PHLDB2: variants seen among roughly 807,000 people sequenced by gnomAD.
PHLDB2 encodes pleckstrin homology like domain family B member 2, also known as pleckstrin homology-like domain family B member 2.
Under a neutral mutation model 123.6 loss-of-function variants are expected in PHLDB2, and 71 were observed. The ratio of observed to expected loss-of-function variants is 0.57; its 90% CI spans 0.47 to 0.70. The LOEUF (loss-of-function observed/expected upper bound fraction) is 0.70, where lower values mean the gene tolerates loss of function less well. Among genes scored for constraint, PHLDB2 ranks in the 30% least tolerant of loss-of-function variants. PHLDB2 has a pLI of 0.00. For synonymous variants in PHLDB2, 547 were observed against 541.6 expected, an observed-to-expected ratio of 1.01 and a Z score of -0.14; for missense variants, 1,446 against 1,519.5, an observed-to-expected ratio of 0.95 and a Z score of 0.80.
At chr3:111,805,797 G>T (rs1480764668) in intron 1 of PHLDB2, among the ~76,000 whole-genome samples, 2 of 145,112 alleles carry the variant, frequency 1.4e-5, no homozygotes, top group Non-Finnish European at 3.0e-5. Flanking sequence ...ATTTTGGGAT[G>T]ATGGAAATGT....
rs143223081 is a variant in PHLDB2 at position 111,735,328 on chromosome 3, C to G, written c.-49+2625C>G. 1.5e-3 allele frequency among the ~76,000 whole-genome samples: 234 copies of G among 152,286 alleles called. 1 individual carries two copies. The highest frequency in any genetic ancestry group is 2.7e-3 in the Non-Finnish European group (187 of 68,018). ...TGGAGTCTAAATGGCTTTTTGGTGTCATTTGAGCAGTGAATGAGTAATGTA... is the reference window on the plus strand; with the variant it reads ...TGGAGTCTAAATGGCTTTTTGGTGTGATTTGAGCAGTGAATGAGTAATGTA... On this transcript the variant is annotated intron_variant, in intron 1 of 17. Coordinates refer to the PHLDB2 transcript ENST00000393923.
chr3:111,899,418 C>A (rs2067060971), intron 2 of PHLDB2, among the ~76,000 whole-genome samples: 2 of 152,132 alleles, frequency 1.3e-5, no homozygotes, highest in African/African-American at 4.8e-5. Context: ...TTTCCTGATG[C>A]TCTCCCCCAC....
chr3:111,868,395 A>T (rs1057343982), intron 1 of PHLDB2, among the ~76,000 whole-genome samples: 8 of 152,110 alleles, frequency 5.3e-5, no homozygotes, highest in African/African-American at 7.2e-5. Context: ...TTTAATTGGT[A>T]TGCGCCCTCA....
chr3:111,851,955 C>T (rs1430220833), intron 2 of PHLDB2, among the ~76,000 whole-genome samples: 3 of 149,342 alleles, frequency 2.0e-5, no homozygotes, highest in Non-Finnish European at 4.5e-5. Flanking sequence ...GGCCCCTCAA[C>T]CTTTTTTTTT....
intron 2 of PHLDB2, among the ~76,000 whole-genome samples, chr3:111,851,447 T>C (rs896641940): frequency 1.3e-5 from 2 of 152,054 alleles, no homozygotes; most frequent in African/African-American, 4.8e-5. Flanking sequence ...AGAGTAATCA[T>C]AACTCTGAAA....
intron 1 of PHLDB2, among the ~76,000 whole-genome samples, chr3:111,865,829 A>T (rs2065041529): frequency 6.6e-6 from 1 of 151,956 alleles, no homozygotes. Context: ...GTTTATCTTG[A>T]CTTGTTCAAG....
At chr3:111,922,171 G>C (rs935416819) in intron 5 of PHLDB2, among the ~76,000 whole-genome samples, 2 of 152,158 alleles carry the variant, frequency 1.3e-5, no homozygotes, top group Admixed American at 1.3e-4. Context: ...ATAGGAATTA[G>C]GTATCATGTT....
rs1166910938 is a variant in PHLDB2 at position 111,968,539 on chromosome 3, A to G, written c.3315+715A>G. The stretch of plus-strand genomic sequence containing the variant: ...CTAACATAAAGTTTTGTTAAGTACT[A>G]TGTAATTTAAAGCTGAACTCTATTT... On this transcript the variant is annotated intron_variant, in intron 15 of 17. Coordinates refer to ENST00000431670, the MANE Select transcript of PHLDB2 (RefSeq NM_001134438.2). 2.0e-5 allele frequency among the ~76,000 whole-genome samples: 3 copies of G among 152,250 alleles called. No individual in the cohort carries two copies. In the East Asian group the frequency reaches 5.8e-4, roughly 29 times the overall value.
In PHLDB2 at chr3:111,767,067, AG is replaced by A. The variant is rs1238428825; in HGVS notation, c.-49+34365del. On this transcript the variant is annotated intron_variant, in intron 1 of 17. Transcript: ENST00000393923. ...AAAAAAAAAAAAGCAGTCCAAAAAC[AG>A]TATTAAAGCAAAGGAGTCTCTTTAC... Among the ~76,000 whole-genome samples the A allele has an allele frequency of 1.3e-3, 6 of 4,492 alleles. No individual in the cohort carries two copies. The East Asian group carries it at 0.38, about 281-fold the overall frequency. The allele number at this position is 4,492 out of a possible 152,430, so 2.9% of individuals were successfully genotyped here.
chr3:111,908,746 T>C (rs1222086613), intron 2 of PHLDB2, among the ~76,000 whole-genome samples: 1 of 152,188 alleles, frequency 6.6e-6, no homozygotes, highest in African/African-American at 2.4e-5. Context: ...CAAGGATTTA[T>C]CTCTAAAACA....
chr3:111,891,659 A>G (rs2066506290), intron 2 of PHLDB2, among the ~76,000 whole-genome samples: 1 of 152,130 alleles, frequency 6.6e-6, no homozygotes, highest in South Asian at 2.1e-4. Flanking sequence ...CCCCATGTCC[A>G]TGGAAAAATT....
intron 1 of PHLDB2, among the ~76,000 whole-genome samples, chr3:111,814,905 T>G (rs1485720472): frequency 1.3e-5 from 2 of 152,230 alleles, no homozygotes; most frequent in Admixed American, 6.5e-5. Flanking sequence ...AATCTCATCT[T>G]GAATTATAAC....
rs1174000500 is a variant in PHLDB2 at position 111,976,345 on chromosome 3, A to G, written c.*1782A>G. 1 of 152,250 alleles carries G rather than the reference A, an allele frequency of 6.6e-6. No homozygotes were observed. Among genetic ancestry groups the G allele is most frequent in the African/African-American group, 2.4e-5 (1 of 41,470 alleles). The allele number at this position is 152,250 out of a possible 1,614,324, so 9.4% of individuals were successfully genotyped here. On this transcript the variant is annotated 3_prime_UTR_variant, in exon 18 of 18. Transcript: ENST00000431670. ...ATCGCAAATGACAGTTGTAGAAACT[A>G]TGTAAAGTTTGTTGTGTGCTAACAT...
intron 1 of PHLDB2, among the ~76,000 whole-genome samples, chr3:111,804,825 C>T (rs1231040622): frequency 6.6e-6 from 1 of 152,136 alleles, no homozygotes; most frequent in African/African-American, 2.4e-5. Context: ...AAGTGGGCCA[C>T]TTCTTATTTT....
chr3:111,931,154 T>C (rs2069128228), intron 5 of PHLDB2, among the ~76,000 whole-genome samples: 1 of 152,218 alleles, frequency 6.6e-6, no homozygotes, highest in African/African-American at 2.4e-5. Context: ...TGCCAGTTTA[T>C]ATAAAAGGAA....
At chr3:111,746,322 C>T (rs994418559) in intron 1 of PHLDB2, among the ~76,000 whole-genome samples, 2 of 152,188 alleles carry the variant, frequency 1.3e-5, no homozygotes, top group African/African-American at 2.4e-5. Context: ...GAGACCTAAT[C>T]CTGGAAGTCC....
At chr3:111,845,544 A>G (rs1364133561) in intron 1 of PHLDB2, among the ~76,000 whole-genome samples, 1 of 152,072 alleles carries the variant, frequency 6.6e-6, no homozygotes, top group East Asian at 1.9e-4. Flanking sequence ...TGGTTTAAGC[A>G]TTGTCCATTA....
At chr3:111,940,409 C>A in intron 7 of PHLDB2, 126 bp from the exon 8 acceptor site, 1 of 525,392 alleles carries the variant, frequency 1.9e-6, no homozygotes, top group South Asian at 3.3e-5. Flanking sequence ...TCACTGCCCA[C>A]CATCAACTAA....
intron 8 of PHLDB2, among the ~76,000 whole-genome samples, chr3:111,941,844 A>C (rs2069913811): frequency 9.2e-6 from 1 of 108,490 alleles, no homozygotes; most frequent in South Asian, 2.6e-4. Flanking sequence ...CAAAAGGAGA[A>C]GAGAGAGGAA....
Sources: gnomAD v4.1 joint callset for allele counts (sites outside exome capture counted in the v4.1 genomes callset) on GRCh38, gnomAD v4.1.1 for gene constraint, MANE v1.5 for transcripts, NCBI Gene and HGNC (gene_info 2026-07-23, HGNC 2026-07-21) for gene names.